Variants in PLEKHG4 observed in about 807,000 individuals in gnomAD.
The protein encoded by PLEKHG4 is puratrophin-1.
Under a neutral mutation model 136.9 loss-of-function variants are expected in PLEKHG4, and 85 were observed. The observed-to-expected ratio is 0.62, with a 90% CI of 0.52 to 0.74. The LOEUF (loss-of-function observed/expected upper bound fraction) is 0.74, where lower values mean the gene tolerates loss of function less well. PLEKHG4 is among the 30% of genes least tolerant of loss of function. The pLI, the probability that PLEKHG4 is intolerant of heterozygous loss-of-function variation, is 0.00. For synonymous variants in PLEKHG4, 577 were observed against 646.9 expected, an observed-to-expected ratio of 0.89 and a Z score of 1.64; for missense variants, 1,317 against 1,527.8, an observed-to-expected ratio of 0.86 and a Z score of 2.30.
At chr16:67,287,458 G>A (rs2036529161) in intron 18 of PLEKHG4, 1 of 545,164 alleles carries the variant, frequency 1.8e-6, no homozygotes, top group Non-Finnish European at 3.3e-6. Context: ...GGCGTGCAGT[G>A]GCATGATCTT....
In PLEKHG4 at chr16:67,284,166, C is replaced by A; in HGVS notation, c.1510-109C>A. ...TAGGAGATACGGGTAGATGTTCCACCACAGGACAGACTTGATGGGGACATG... is the reference window on the plus strand; with the variant it reads ...TAGGAGATACGGGTAGATGTTCCACAACAGGACAGACTTGATGGGGACATG... On this transcript the variant is annotated intron_variant, in intron 11 of 21. Transcript: ENST00000379344. This position sits in a 1 kb window ranked among gnomAD's most constrained non-coding sequence, Gnocchi z 4.4. The A allele has an allele frequency of 2.1e-6, 2 of 936,216 alleles. No homozygotes were observed. Among genetic ancestry groups the A allele is most frequent in the Non-Finnish European group, 3.2e-6 (2 of 616,462 alleles). 58.0% of individuals were successfully genotyped at this position (936,216 alleles called of 1,614,324 possible).
chr16:67,285,951 G>C (rs2036449428), intron 14 of PLEKHG4, among the ~76,000 whole-genome samples: 1 of 152,298 alleles, frequency 6.6e-6, no homozygotes, highest in South Asian at 2.1e-4. Context: ...GGCCTGCCAA[G>C]GAGGTGGCTG....
intron 14 of PLEKHG4, 48 bp downstream of exon 14, chr16:67,285,584 G>A (rs571087696): frequency 7.2e-5 from 115 of 1,598,380 alleles, no homozygotes; most frequent in South Asian, 2.3e-4. Flanking sequence ...CCACACTCCC[G>A]AAGTTGCTGC....
At position 67,289,299 on chromosome 16, in the gene PLEKHG4, G is replaced by A; in HGVS notation, c.*491G>A. 2.3e-6 allele frequency: 1 copy of A among 429,606 alleles called. No homozygotes were observed. Among genetic ancestry groups the A allele is most frequent in the Non-Finnish European group, 4.2e-6 (1 of 240,888 alleles). 26.6% of individuals were successfully genotyped at this position (429,606 alleles called of 1,614,324 possible). On this transcript the variant is annotated 3_prime_UTR_variant, in exon 22 of 22. Coordinates refer to ENST00000379344, the MANE Select transcript of PLEKHG4 (RefSeq NM_001129729.3). ...TTGCCTTTCCTGGCCCCCAGGCCCAGCCCCTTTTTACTGGGGCAGTTTCGT... is the reference window on the plus strand; with the variant it reads ...TTGCCTTTCCTGGCCCCCAGGCCCAACCCCTTTTTACTGGGGCAGTTTCGT...
At chr16:67,283,690 G>C (rs901744608) in intron 11 of PLEKHG4, among the ~76,000 whole-genome samples, 1 of 152,162 alleles carries the variant, frequency 6.6e-6, no homozygotes, top group African/African-American at 2.4e-5. Flanking sequence ...GTCCGGTCTT[G>C]GGCATGCTCG....
Position 67,281,781 on chromosome 16 carries a change from A to T in PLEKHG4, c.949A>T (p.Thr317Ser). The change falls in exon 7 of 22, where the codon ACT becomes TCT. Residue 317 changes from threonine (T) to serine (S), a missense_variant. Transcript: ENST00000379344. ...LTHIPTAGLP[T>S]SLGGGLPYCH... Reference sequence around the variant, plus strand: ...CCACATCCCAACGGCGGGGCTGCCCACTTCGCTAGGAGGAGGCCTGCCTTA... The same window carrying T: ...CCACATCCCAACGGCGGGGCTGCCCTCTTCGCTAGGAGGAGGCCTGCCTTA... 6.2e-7 allele frequency: 1 copy of T among 1,613,800 alleles called. No individual in the cohort carries two copies. Among genetic ancestry groups the T allele is most frequent in the Non-Finnish European group, 8.5e-7 (1 of 1,180,016 alleles).
In PLEKHG4 at chr16:67,281,081, AC is replaced by A. The variant is rs34936270; in HGVS notation, c.720-6del. On this transcript the variant is annotated splice_polypyrimidine_tract_variant and intron_variant, in intron 4 of 21. Transcript: ENST00000379344. ...GGAGTCAGGTACTGAACTGAAGCTC[AC>A]CCCTTTAGGCCCGAAGTACAGGCAC... The A allele has an allele frequency of 6.2e-7, 1 of 1,613,804 alleles. No individual in the cohort carries two copies. The highest frequency in any genetic ancestry group is 8.5e-7 in the Non-Finnish European group (1 of 1,179,828).
chr16:67,286,327 T>G lies in PLEKHG4; in HGVS notation c.2496T>G (p.Asp832Glu). The stretch of plus-strand genomic sequence containing the variant: ...ACAGCAAGAATAAGCCTCGCTCCGA[T>G]GCCCTGATGTCAAGCTATGGGCACA... ...ALYSKNKPRS[D>E]ALMSSYGHTF... is the part of the protein sequence containing the mutation. Residue 832 changes from aspartate (D) to glutamate (E), a missense_variant, in exon 15 of 22, where the codon GAT becomes GAG. Coordinates refer to ENST00000379344, the MANE Select transcript of PLEKHG4 (RefSeq NM_001129729.3). 6.2e-7 allele frequency: 1 copy of G among 1,614,052 alleles called. No individual in the cohort carries two copies. The highest frequency in any genetic ancestry group is 8.5e-7 in the Non-Finnish European group (1 of 1,179,918).
rs1313586881 is a variant in PLEKHG4, at chr16:67,284,278, C to A, written c.1513C>A (p.Gln505Lys). ...FQELYQVAQEQVRQGEKFLQP... is the reference protein window; with the variant it reads ...FQELYQVAQEKVRQGEKFLQP... Reference sequence around the variant, plus strand: ...AGCCTAGTCTCTGTCTCTGCAGGAGCAGGTCAGGCAAGGGGAGAAGTTTCT... The same window carrying A: ...AGCCTAGTCTCTGTCTCTGCAGGAGAAGGTCAGGCAAGGGGAGAAGTTTCT... The change falls in exon 12 of 22, where the codon CAG becomes AAG. Residue 505 changes from glutamine (Q) to lysine (K), a missense_variant. By Grantham distance (53) the Gln-to-Lys change is moderately conservative (BLOSUM62 1). Coordinates refer to ENST00000379344, the MANE Select transcript of PLEKHG4 (RefSeq NM_001129729.3). The surrounding 1 kb of genome is among the most constrained non-coding windows in gnomAD (Gnocchi z 4.4). The A allele has an allele frequency of 6.2e-7, 1 of 1,613,546 alleles. No homozygotes were observed. Among genetic ancestry groups the A allele is most frequent in the African/African-American group, 1.3e-5 (1 of 74,914 alleles).
rs951495494 is a variant in PLEKHG4 at position 67,281,118 on chromosome 16, A to G, written c.747A>G (p.Thr249=). The change falls in exon 5 of 22, where the codon ACA becomes ACG. Residue 249 remains threonine, a synonymous_variant. Transcript: ENST00000379344. ...PRPEVQALGL[T]VLVDARICAP... Reference sequence around the variant, plus strand: ...CCGAAGTACAGGCACTGGGACTGACAGTGCTAGTTGATGCCCGAATTTGTG... The same window carrying G: ...CCGAAGTACAGGCACTGGGACTGACGGTGCTAGTTGATGCCCGAATTTGTG... The G allele has an allele frequency of 1.9e-6, 3 of 1,614,014 alleles. No homozygotes were observed. The African/African-American group carries it at 4.0e-5, about 22-fold the overall frequency.
chr16:67,280,235 G>C lies in PLEKHG4; in HGVS notation c.191G>C (p.Ser64Thr). 6 of 1,613,856 alleles carry C rather than the reference G, an allele frequency of 3.7e-6. No homozygotes were observed. The highest frequency in any genetic ancestry group is 5.1e-6 in the Non-Finnish European group (6 of 1,179,936). Reference protein sequence around the residue: ...GATQDEELQGSPLSRKFQLPP... With the variant: ...GATQDEELQGTPLSRKFQLPP... Reference sequence around the variant, plus strand: ...ACCCAGGATGAGGAGCTACAGGGCAGCCCCTTGTCCAGGAAATTCCAGTTA... The same window carrying C: ...ACCCAGGATGAGGAGCTACAGGGCACCCCCTTGTCCAGGAAATTCCAGTTA... The change falls in exon 2 of 22, where the codon AGC (serine) becomes ACC (threonine). Residue 64 changes from serine to threonine, a missense_variant. By Grantham distance (58) the Ser-to-Thr change is moderately conservative (BLOSUM62 1). Transcript: ENST00000379344. The surrounding 1 kb of genome is among the most constrained non-coding windows in gnomAD (Gnocchi z 4.4).
chr16:67,281,471 C>T (rs2036221770), intron 5 of PLEKHG4, 96 bp from the exon 6 acceptor site: 2 of 1,019,076 alleles, frequency 2.0e-6, no homozygotes, highest in East Asian at 2.5e-5. Flanking sequence ...AGGTGATCCT[C>T]CCGCCTCGCC....
chr16:67,283,854 T>A (rs1318767672), intron 11 of PLEKHG4, among the ~76,000 whole-genome samples: 2 of 151,870 alleles, frequency 1.3e-5, no homozygotes, highest in African/African-American at 2.4e-5. Context: ...GAGTGCACTG[T>A]CCTCAGGATC....
intron 11 of PLEKHG4, among the ~76,000 whole-genome samples, chr16:67,283,357 C>T (rs1475339150): frequency 6.6e-6 from 1 of 152,032 alleles, no homozygotes. Flanking sequence ...ATCACTGGGC[C>T]CTGTAGCAGT....
In PLEKHG4 at chr16:67,286,481, G is replaced by A. The variant is rs778664406; in HGVS notation, c.2569G>A (p.Ala857Thr). 1.9e-5 allele frequency: 30 copies of A among 1,607,844 alleles called. No homozygotes were observed. The South Asian group carries it at 3.2e-4, about 17-fold the overall frequency. Reference protein sequence around the residue: ...QQALGDHLDLASYLLKPIQRM... With the variant: ...QQALGDHLDLTSYLLKPIQRM... ...AGCACTGGGGGACCACCTGGACCTGGCCTCCTACCTGCTAAAGCCCATCCA... is the reference window on the plus strand; with the variant it reads ...AGCACTGGGGGACCACCTGGACCTGACCTCCTACCTGCTAAAGCCCATCCA... Residue 857 changes from alanine (A) to threonine (T), a missense_variant, in exon 16 of 22, where the codon GCC (alanine) becomes ACC (threonine). By Grantham distance (58) the Ala-to-Thr change is moderately conservative. Transcript: ENST00000379344.
chr16:67,289,273 C>T lies in PLEKHG4; in HGVS notation c.*465C>T. On this transcript the variant is annotated 3_prime_UTR_variant, in exon 22 of 22. Coordinates refer to ENST00000379344, the MANE Select transcript of PLEKHG4 (RefSeq NM_001129729.3). ...GGTCCACCTCTACTGGGCCCTCATGCTTGCCTTTCCTGGCCCCCAGGCCCA... is the reference window on the plus strand; with the variant it reads ...GGTCCACCTCTACTGGGCCCTCATGTTTGCCTTTCCTGGCCCCCAGGCCCA... 1 of 415,840 alleles carries T rather than the reference C, an allele frequency of 2.4e-6. No homozygotes were observed. Among genetic ancestry groups the T allele is most frequent in the East Asian group, 4.6e-5 (1 of 21,896 alleles). The allele number at this position is 415,840 out of a possible 1,614,324, so 25.8% of individuals were successfully genotyped here. A position where few individuals can be genotyped will look rare whatever the true frequency, so the allele number is the denominator to read the frequency against.
Position 67,280,674 on chromosome 16 carries a change from TG to T in PLEKHG4, c.500-35del. The T allele has an allele frequency of 6.2e-7, 1 of 1,613,680 alleles. No individual in the cohort carries two copies. Among genetic ancestry groups the T allele is most frequent in the Non-Finnish European group, 8.5e-7 (1 of 1,179,814 alleles). ...GTCCAAGTAGGGGTCTCTGGATAGG[TG>T]GTCCAAGGCAGACCCAAGTCATTTC... On this transcript the variant is annotated intron_variant, in intron 2 of 21. Transcript: ENST00000379344. The surrounding 1 kb of genome is among the most constrained non-coding windows in gnomAD (Gnocchi z 4.4).
rs760637848 is a variant in PLEKHG4, at chr16:67,286,566, C to T, written c.2654C>T (p.Thr885Met). The change falls in exon 16 of 22, where the codon ACG becomes ATG. Residue 885 changes from threonine to methionine, a missense_variant. Thr to Met is a moderately conservative substitution (Grantham distance 81). Transcript: ENST00000379344. ...QELARACGGP[T>M]QELSALREAQ... is the part of the protein sequence containing the mutation. The stretch of plus-strand genomic sequence containing the variant: ...CTGGCACGGGCCTGCGGGGGCCCCA[C>T]GCAGGAGCTCAGTGCGCTGCGGGAG... 62 of 1,563,094 alleles carry T rather than the reference C, an allele frequency of 4.0e-5. No homozygotes were observed. Among genetic ancestry groups the T allele is most frequent in the East Asian group, 1.9e-4 (8 of 41,698 alleles).
In PLEKHG4 at chr16:67,280,755, G is replaced by A. The variant is rs2036174953; in HGVS notation, c.544G>A (p.Ala182Thr). The change falls in exon 3 of 22, where the codon GCC becomes ACC. Residue 182 changes from alanine to threonine, a missense_variant. By Grantham distance (58) the Ala-to-Thr change is moderately conservative. Transcript: ENST00000379344. This position sits in a 1 kb window ranked among gnomAD's most constrained non-coding sequence, Gnocchi z 4.4. ...CCCTAAGCCTGCTGACTGCCTCCTG[G>A]CCCAAGACCTCTGTTGGGAGCTGCT... ...GLPKPADCLLAQDLCWELLAS... is the reference protein window; with the variant it reads ...GLPKPADCLLTQDLCWELLAS... 6.2e-7 allele frequency: 1 copy of A among 1,613,974 alleles called. No homozygotes were observed. Among genetic ancestry groups the A allele is most frequent in the African/African-American group, 1.3e-5 (1 of 74,938 alleles).
Sources: gnomAD v4.1 joint callset for allele counts (sites outside exome capture counted in the v4.1 genomes callset) on GRCh38, gnomAD v4.1.1 for gene constraint, Gnocchi (gnomAD v3.1) non-coding constraint, MANE v1.5 for transcripts, NCBI Gene and HGNC (gene_info 2026-07-23, HGNC 2026-07-21) for gene names.